The following ALG14 variants were observed in gnomAD, a reference collection of about 807,000 sequenced individuals.
ALG14 encodes the protein ALG14 UDP-N-acetylglucosaminyltransferase subunit.
A neutral mutation model predicts 22.8 loss-of-function variants in ALG14; 17 were observed. The observed-to-expected ratio is 0.75, with a 90% CI of 0.51 to 1.12. ALG14 has a LOEUF of 1.12. ALG14 is among the 50% of genes most tolerant of loss of function. The probability of loss-of-function intolerance (pLI) is 0.00; values close to 1 mark genes in which losing one functional copy is unlikely to be tolerated. For missense variants in ALG14, 288 were observed against 271.8 expected (o/e 1.06, Z -0.42); for synonymous variants, 89 against 103.7 (o/e 0.86, Z 0.86).
chr1:94,991,844 T>C (rs1672782542), intron 3 of ALG14, among the ~76,000 whole-genome samples: 1 of 108,470 alleles, frequency 9.2e-6, no homozygotes, highest in Non-Finnish European at 1.8e-5. Context: ...ACAAAAAGAT[T>C]TTTTATATCT....
At chr1:95,053,616 A>C (rs1046223959) in intron 2 of ALG14, among the ~76,000 whole-genome samples, 5 of 152,060 alleles carry the variant, frequency 3.3e-5, no homozygotes, top group African/African-American at 1.2e-4. Flanking sequence ...GCTTGAGTGC[A>C]GTGGCATGAT....
Position 95,051,227 on chromosome 1 carries a change from T to C in ALG14, c.288+13639A>G, listed in dbSNP as rs567953615. ...CCTCCTGATGACCCCTCTAACCTTCTCTGTGTTAAGTGGCAACTCCATTCT... is the reference window on the plus strand; with the variant it reads ...CCTCCTGATGACCCCTCTAACCTTCCCTGTGTTAAGTGGCAACTCCATTCT... On this transcript the variant is annotated intron_variant, in intron 2 of 3. Transcript: ENST00000370205. Among the ~76,000 whole-genome samples, 4 of 4,370 alleles carry C rather than the reference T, an allele frequency of 9.2e-4. No homozygotes were observed. In the Admixed American group the frequency reaches 0.015, roughly 16 times the overall value. The allele number at this position is 4,370 out of a possible 152,430, so 2.9% of individuals were successfully genotyped here.
chr1:95,039,341 C>T (rs1478099630), intron 2 of ALG14, among the ~76,000 whole-genome samples: 8 of 151,998 alleles, frequency 5.3e-5, no homozygotes, highest in Non-Finnish European at 1.2e-4. Flanking sequence ...GAGGGCACGA[C>T]CAGAGAAGGG....
intron 3 of ALG14, among the ~76,000 whole-genome samples, chr1:95,008,559 GA>G (rs1023729003): frequency 2.0e-5 from 3 of 151,906 alleles, no homozygotes; most frequent in East Asian, 3.9e-4. Flanking sequence ...AGGTTTTTCA[GA>G]AAAAATGTAA....
chr1:94,993,576 T>C (rs974124170), intron 3 of ALG14, among the ~76,000 whole-genome samples: 1 of 152,030 alleles, frequency 6.6e-6, no homozygotes, highest in Non-Finnish European at 1.5e-5. Context: ...GAGCTTCCCC[T>C]ACTCAGGATC....
intron 3 of ALG14, among the ~76,000 whole-genome samples, chr1:95,023,843 G>A (rs1266103476): frequency 6.6e-6 from 1 of 152,116 alleles, no homozygotes; most frequent in East Asian, 1.9e-4. Context: ...ACCAGTGTAG[G>A]GAGTGGGTGT....
intron 3 of ALG14, among the ~76,000 whole-genome samples, chr1:95,006,865 C>G (rs998840047): frequency 2.0e-5 from 3 of 152,236 alleles, no homozygotes; most frequent in Non-Finnish European, 4.4e-5. Flanking sequence ...TCCCCACTTC[C>G]TCCAACTGTT....
intron 1 of ALG14, among the ~76,000 whole-genome samples, chr1:95,065,583 C>T (rs1675332634): frequency 6.6e-6 from 1 of 152,132 alleles, no homozygotes; most frequent in Admixed American, 6.5e-5. Flanking sequence ...AAGAAGGGTA[C>T]AGGTGAAATA....
intron 3 of ALG14, among the ~76,000 whole-genome samples, chr1:95,010,399 C>T (rs1315885519): frequency 6.6e-6 from 1 of 152,196 alleles, no homozygotes; most frequent in Admixed American, 6.5e-5. Flanking sequence ...AAGTTAGAAA[C>T]ATAGGACTCA....
intron 3 of ALG14, among the ~76,000 whole-genome samples, chr1:94,988,922 C>A (rs568069268): frequency 6.6e-6 from 1 of 152,094 alleles, no homozygotes; most frequent in Non-Finnish European, 1.5e-5. Flanking sequence ...TTCTAACTTA[C>A]GTCTTTGTAT....
At chr1:95,016,787 A>G (rs1252056138) in intron 3 of ALG14, among the ~76,000 whole-genome samples, 1 of 152,118 alleles carries the variant, frequency 6.6e-6, no homozygotes, top group Non-Finnish European at 1.5e-5. Flanking sequence ...AAAGGCTTGA[A>G]GGCTGCACAC....
chr1:94,995,370 T>A (rs1351456570), intron 3 of ALG14, among the ~76,000 whole-genome samples: 4 of 152,198 alleles, frequency 2.6e-5, no homozygotes, highest in Non-Finnish European at 4.4e-5. Context: ...AGGTAGAATA[T>A]GACAAGTTGA....
rs1416245823 is a variant in ALG14, at chr1:95,067,746, G to C, written c.137-2729C>G. On this transcript the variant is annotated intron_variant, in intron 1 of 3. Transcript: ENST00000370205. ...TGTTCCCTGACCCACTTCCCCTTCA[G>C]TCTATCGCAACATAACATCCCGTGT... 2.0e-5 allele frequency among the ~76,000 whole-genome samples: 3 copies of C among 152,182 alleles called. No homozygotes were observed. In the East Asian group the frequency reaches 5.8e-4, roughly 29 times the overall value.
At chr1:95,041,611 C>T (rs1466190549) in intron 2 of ALG14, 3 of 142,930 alleles carry the variant, frequency 2.1e-5, no homozygotes, top group Non-Finnish European at 4.5e-5. Flanking sequence ...GAGACCCCGT[C>T]TCTTTAAAAA....
chr1:95,064,721 T>G (rs1675294509), intron 2 of ALG14, 145 bp downstream of exon 2: 3 of 654,238 alleles, frequency 4.6e-6, no homozygotes, highest in African/African-American at 1.8e-5. Context: ...TATCTTTTGG[T>G]AGCAAAGGAA....
rs142800197 is a variant in ALG14 at position 95,041,794 on chromosome 1, T to C, written c.289-14534A>G. Among the ~76,000 whole-genome samples the C allele has an allele frequency of 6.4e-4, 97 of 152,302 alleles. No homozygotes were observed. In the East Asian group the frequency reaches 0.018, roughly 29 times the overall value. ...GTGGAAAACAGTAGGTGGTGTTCAG[T>C]GGAAGAATGTCATGTTAATTTTAGA... On this transcript the variant is annotated intron_variant, in intron 2 of 3. Transcript: ENST00000370205.
chr1:95,064,838 T>C (rs757821534), intron 2 of ALG14, 28 bp downstream of exon 2: 2 of 1,595,658 alleles, frequency 1.3e-6, no homozygotes, highest in Admixed American at 3.4e-5. Flanking sequence ...AACTTGTAAT[T>C]TTCTTAGAAA....
intron 3 of ALG14, among the ~76,000 whole-genome samples, chr1:95,007,157 C>CTA (rs1302083532): frequency 4.6e-5 from 7 of 152,138 alleles, no homozygotes; most frequent in African/African-American, 1.7e-4. Context: ...TGAGCAAGTT[C>CTA]TATATGAATT....
chr1:95,053,177 C>A (rs1332027840), intron 2 of ALG14, among the ~76,000 whole-genome samples: 2 of 151,870 alleles, frequency 1.3e-5, no homozygotes, highest in African/African-American at 2.4e-5. Context: ...ATAACACACA[C>A]AAAAAAGTGA....
Sources: gnomAD v4.1 joint callset for allele counts (sites outside exome capture counted in the v4.1 genomes callset) on GRCh38, gnomAD v4.1.1 for gene constraint, MANE v1.5 for transcripts, NCBI Gene and HGNC (gene_info 2026-07-23, HGNC 2026-07-21) for gene names.